CAST: variants seen among roughly 807,000 people sequenced by gnomAD.
CAST encodes the protein calpastatin, also known as MIR583 host.
Under a neutral mutation model 119.6 loss-of-function variants are expected in CAST, and 76 were observed. That is an observed-to-expected ratio of 0.64 (90% confidence interval 0.53 to 0.77). The LOEUF (loss-of-function observed/expected upper bound fraction) is 0.77. CAST is among the 30% of genes least tolerant of loss of function. The probability of loss-of-function intolerance (pLI) is 0.00; values close to 1 mark genes in which losing one functional copy is unlikely to be tolerated. For synonymous variants in CAST, 319 were observed against 331.6 expected (o/e 0.96, Z 0.41); for missense variants, 953 against 946.5 (o/e 1.01, Z -0.09).
At chr5:96,466,915 C>A in the CAST span, among the ~76,000 whole-genome samples, 1 of 152,084 alleles carries the variant, frequency 6.6e-6, no homozygotes, top group East Asian at 1.9e-4. Context: ...TAGAAATGAT[C>A]AACTTCTCTT....
At chr5:96,084,750 C>G in the CAST span, among the ~76,000 whole-genome samples, 1 of 152,280 alleles carries the variant, frequency 6.6e-6, no homozygotes, top group African/African-American at 2.4e-5. Context: ...TGTTCATATT[C>G]CAGGGAGAGG....
rs545677955 is a variant in CAST at position 96,532,807 on chromosome 5, G to A, written c.60+2927G>A. On this transcript the variant is annotated intron_variant, in intron 1 of 11. Transcript: ENST00000505143. ...AGAGGTTGCAGTGAGCTGAGATCGTGCCATTGCACTCCAGCCTGACAATAA... is the reference window on the plus strand; with the variant it reads ...AGAGGTTGCAGTGAGCTGAGATCGTACCATTGCACTCCAGCCTGACAATAA... 2.0e-5 allele frequency among the ~76,000 whole-genome samples: 3 copies of A among 152,178 alleles called. No homozygotes were observed. The East Asian group carries it at 5.8e-4, about 29-fold the overall frequency.
At chr5:96,603,931 T>C (rs1747206679) in intron 1 of CAST, among the ~76,000 whole-genome samples, 1 of 151,844 alleles carries the variant, frequency 6.6e-6, no homozygotes, top group Non-Finnish European at 1.5e-5. Flanking sequence ...GCCAGGCTAA[T>C]TTTATTTAGT....
the CAST span, among the ~76,000 whole-genome samples, chr5:96,221,835 A>G: frequency 6.6e-6 from 1 of 152,196 alleles, no homozygotes; most frequent in South Asian, 2.1e-4. Context: ...ACTGGAGGTA[A>G]CACACCACCT....
chr5:96,229,465 A>G, the CAST span, among the ~76,000 whole-genome samples: 1 of 152,088 alleles, frequency 6.6e-6, no homozygotes. Flanking sequence ...TGGCAGTGGC[A>G]GCACCATAAA....
the CAST span, among the ~76,000 whole-genome samples, chr5:96,431,190 G>A: frequency 2.6e-5 from 4 of 152,156 alleles, no homozygotes; most frequent in East Asian, 7.7e-4. Flanking sequence ...CCCTCTTTGG[G>A]TCTCAAAAAT....
At chr5:96,349,617 A>G in the CAST span, among the ~76,000 whole-genome samples, 2 of 152,192 alleles carry the variant, frequency 1.3e-5, no homozygotes, top group Admixed American at 1.3e-4. Context: ...TAGCTGCTGA[A>G]AAAATTTCAC....
At chr5:96,454,574 A>G in the CAST span, among the ~76,000 whole-genome samples, 145 of 152,286 alleles carry the variant, frequency 9.5e-4, no homozygotes, top group Non-Finnish European at 1.6e-3. Flanking sequence ...CATCAAGGCA[A>G]TTGTTGAGTG....
At chr5:96,314,859 C>T in the CAST span, among the ~76,000 whole-genome samples, 1 of 152,214 alleles carries the variant, frequency 6.6e-6, no homozygotes, top group Non-Finnish European at 1.5e-5. Context: ...TCAATAAATA[C>T]TTTTGACTGA....
At chr5:96,433,878 CAA>C in the CAST span, among the ~76,000 whole-genome samples, 1 of 152,206 alleles carries the variant, frequency 6.6e-6, no homozygotes, top group East Asian at 1.9e-4. Flanking sequence ...CTCAGTAAAA[CAA>C]TATCAGTAGT....
At chr5:95,968,494 A>G in the CAST span, among the ~76,000 whole-genome samples, 1 of 152,152 alleles carries the variant, frequency 6.6e-6, no homozygotes, top group South Asian at 2.1e-4. Flanking sequence ...CATGTTGTTC[A>G]TATCTGTCGC....
At chr5:96,409,066 A>T in the CAST span, among the ~76,000 whole-genome samples, 1 of 152,230 alleles carries the variant, frequency 6.6e-6, no homozygotes. Flanking sequence ...GTTCTCTGTG[A>T]AAGTAGTTTT....
intron 2 of CAST, among the ~76,000 whole-genome samples, chr5:96,677,387 C>T (rs1266826440): frequency 1.3e-5 from 2 of 152,124 alleles, no homozygotes; most frequent in African/African-American, 4.8e-5. Context: ...GATGTACAGG[C>T]ATTATTGGTA....
At chr5:96,647,952 G>T (rs555510325) in intron 1 of CAST, among the ~76,000 whole-genome samples, 1 of 152,334 alleles carries the variant, frequency 6.6e-6, no homozygotes, top group South Asian at 2.1e-4. Context: ...TTCAAAATGA[G>T]CTGTGACTTT....
intron 1 of CAST, among the ~76,000 whole-genome samples, chr5:96,617,188 G>A (rs2150197762): frequency 6.6e-6 from 1 of 151,956 alleles, no homozygotes; most frequent in East Asian, 2.0e-4. Flanking sequence ...ATCACTGACT[G>A]CTCTGAGAAT....
At chr5:96,490,895 T>C in the CAST span, among the ~76,000 whole-genome samples, 2 of 152,096 alleles carry the variant, frequency 1.3e-5, no homozygotes, top group Admixed American at 6.5e-5. Flanking sequence ...GAAAAAGTTG[T>C]ATTTATCTAA....
the CAST span, among the ~76,000 whole-genome samples, chr5:96,185,307 A>C: frequency 6.6e-6 from 1 of 152,116 alleles, no homozygotes; most frequent in Non-Finnish European, 1.5e-5. Flanking sequence ...TTGTCTGTTC[A>C]CTTTCATGAT....
chr5:96,163,904 G>T, the CAST span, among the ~76,000 whole-genome samples: 1 of 152,150 alleles, frequency 6.6e-6, no homozygotes, highest in Admixed American at 6.5e-5. Flanking sequence ...TTGAATTCCA[G>T]CTCTGCTGCT....
At chr5:96,418,106 C>T in the CAST span, among the ~76,000 whole-genome samples, 3 of 152,142 alleles carry the variant, frequency 2.0e-5, no homozygotes, top group South Asian at 2.1e-4. Context: ...TGTATATGGA[C>T]GACTATTCTC....
Sources: allele counts gnomAD v4.1 joint callset (sites outside exome capture counted in the v4.1 genomes callset), GRCh38; gene constraint gnomAD v4.1.1; transcripts MANE v1.5; gene names NCBI Gene and HGNC (gene_info 2026-07-23, HGNC 2026-07-21).